The following ZNF623 variants were observed in gnomAD, a reference collection of about 807,000 sequenced individuals.
ZNF623 encodes zinc finger protein 623.
ZNF623 carries 16 observed loss-of-function variants against 24.0 expected under a neutral mutation model. The ratio of observed to expected loss-of-function variants is 0.67; its 90% CI spans 0.45 to 1.01. The LOEUF (loss-of-function observed/expected upper bound fraction) is 1.01, where lower values mean the gene tolerates loss of function less well. Ranked by LOEUF, ZNF623 falls within the 50% of genes least tolerant of loss-of-function variation. The pLI is 0.00. For missense variants in ZNF623, 566 were observed against 606.5 expected, an observed-to-expected ratio of 0.93 and a Z score of 0.70; for synonymous variants, 224 against 219.8, an observed-to-expected ratio of 1.02 and a Z score of -0.17.
rs534433436 is a variant in ZNF623 at position 143,653,118 on chromosome 8, G to A, written c.*1635G>A. On this transcript the variant is annotated 3_prime_UTR_variant, in exon 2 of 2. Transcript: ENST00000526926. ...CCAGGAGAGGAATCTGCAGAAACAT[G>A]GAGCCATGACAGATGGCTTTTTGGC... is the stretch of plus-strand genomic sequence containing the variant. 6.0e-6 allele frequency: 1 copy of A among 167,280 alleles called. No homozygotes were observed. Among genetic ancestry groups the A allele is most frequent in the East Asian group, 1.9e-4 (1 of 5,190 alleles). The allele number at this position is 167,280 out of a possible 1,614,324, so 10.4% of individuals were successfully genotyped here.
intron 1 of ZNF623, among the ~76,000 whole-genome samples, chr8:143,645,140 AAGAG>A (rs201809514): frequency 3.0e-4 from 41 of 135,366 alleles, no homozygotes; most frequent in Admixed American, 3.6e-4. Flanking sequence ...AAAAAAAAAA[AAGAG>A]AGAAAATACA....
Position 143,651,221 on chromosome 8 carries a change from A to G in ZNF623, c.1229A>G (p.Gln410Arg), listed in dbSNP as rs2131459823. 4.3e-6 allele frequency: 7 copies of G among 1,614,220 alleles called. No homozygotes were observed. Among genetic ancestry groups the G allele is most frequent in the Middle Eastern group, 1.6e-4 (1 of 6,062 alleles). The change falls in exon 2 of 2, where the codon CAG becomes CGG. Residue 410 changes from glutamine to arginine, a missense_variant. This residue lies in a region of ZNF623 where 136 missense variants were observed against 131.9 expected (regional missense o/e 1.03). Transcript: ENST00000526926. ...FIQSSKLLLHQIIHTGEKPYV... is the reference protein window; with the variant it reads ...FIQSSKLLLHRIIHTGEKPYV... ...CAGAGCTCCAAGCTGCTTCTGCACC[A>G]GATTATTCACACTGGAGAAAAGCCC...
Position 143,651,647 on chromosome 8 carries a change from TCTC to T in ZNF623, c.*168_*170del, listed in dbSNP as rs1815325972. 1.2e-5 allele frequency: 9 copies of T among 741,330 alleles called. No homozygotes were observed. The highest frequency in any genetic ancestry group is 4.0e-5 in the South Asian group (2 of 50,222). 45.9% of individuals were successfully genotyped at this position (741,330 alleles called of 1,614,324 possible). On this transcript the variant is annotated 3_prime_UTR_variant, in exon 2 of 2. Coordinates refer to ENST00000526926, the MANE Select transcript of ZNF623 (RefSeq NM_001261843.2). ...GTGCAGCCCTACTCGGCTCAGCCCT[TCTC>T]CTCAGCTGTGAGCACTGTCCTCAGG...
chr8:143,644,577 C>G (rs982197017), intron 1 of ZNF623, among the ~76,000 whole-genome samples: 10 of 152,020 alleles, frequency 6.6e-5, no homozygotes, highest in African/African-American at 1.2e-4. Flanking sequence ...AGTGCATAAG[C>G]AGAATATATA....
chr8:143,646,054 T>A lies in ZNF623; in HGVS notation c.-95-3844T>A, dbSNP rs890783047. 8.5e-5 allele frequency among the ~76,000 whole-genome samples: 13 copies of A among 152,208 alleles called. 1 individual carries two copies. Among genetic ancestry groups the A allele is most frequent in the South Asian group, 8.3e-4 (4 of 4,818 alleles). On this transcript the variant is annotated intron_variant, in intron 1 of 1. Transcript: ENST00000526926. ...ACTAGAAGTGTTGGAGCTTTTTTTT[T>A]AATTAGAGACAGGGTCTCACTCTGT...
intron 1 of ZNF623, among the ~76,000 whole-genome samples, chr8:143,647,995 G>T (rs1053864540): frequency 6.6e-6 from 1 of 152,182 alleles, no homozygotes; most frequent in South Asian, 2.1e-4. Flanking sequence ...AACTATAGAA[G>T]GAGGAAAATC....
intron 1 of ZNF623, chr8:143,636,347 G>C (rs1814921231): frequency 6.6e-6 from 1 of 152,288 alleles, no homozygotes; most frequent in Admixed American, 6.5e-5. Flanking sequence ...GCCCCCGCGA[G>C]GCTGCGGCGT....
intron 1 of ZNF623, among the ~76,000 whole-genome samples, chr8:143,649,023 A>G (rs948388744): frequency 2.0e-5 from 3 of 152,046 alleles, no homozygotes; most frequent in Non-Finnish European, 2.9e-5. Flanking sequence ...CACGTCTGTA[A>G]TCCCAGCAGT....
Position 143,638,998 on chromosome 8 carries a change from T to C in ZNF623, c.-96+2853T>C, listed in dbSNP as rs1028367161. Among the ~76,000 whole-genome samples, 10 of 149,518 alleles carry C rather than the reference T, an allele frequency of 6.7e-5. No individual in the cohort carries two copies. In the South Asian group the frequency reaches 2.2e-3, roughly 32 times the overall value. On this transcript the variant is annotated intron_variant, in intron 1 of 1. Transcript: ENST00000526926. ...CCCTCTGCCGCCCAGGTTCAAGAGA[T>C]TCTCCTGCCTCAGCCTCTCGAGAAG... is the stretch of plus-strand genomic sequence containing the variant.
intron 1 of ZNF623, 99 bp from the exon 2 acceptor site, chr8:143,649,799 A>G: frequency 6.8e-7 from 1 of 1,473,194 alleles, no homozygotes; most frequent in Non-Finnish European, 9.2e-7. Context: ...CAGAGGAAAC[A>G]CTTTCCACCT....
rs1587334872 is a variant in ZNF623 at position 143,650,848 on chromosome 8, A to G, written c.856A>G (p.Lys286Glu). 2 of 1,614,094 alleles carry G rather than the reference A, an allele frequency of 1.2e-6. No individual in the cohort carries two copies. The highest frequency in any genetic ancestry group is 1.3e-5 in the African/African-American group (1 of 74,934). ...ERPFECNECG[K>E]AFIRSSKLIQ... ...ACCCTTTGAATGCAATGAGTGTGGG[A>G]AAGCCTTTATTCGGAGTTCAAAGCT... Residue 286 changes from lysine to glutamate, a missense_variant, in exon 2 of 2, where the codon AAA becomes GAA. Physicochemically the swap from Lys to Glu is moderately conservative, Grantham distance 56. Coordinates refer to ENST00000526926, the MANE Select transcript of ZNF623 (RefSeq NM_001261843.2). The surrounding 1 kb of genome is among the most constrained non-coding windows in gnomAD (Gnocchi z 5.2).
intron 1 of ZNF623, among the ~76,000 whole-genome samples, chr8:143,637,907 C>T (rs1239183129): frequency 6.6e-6 from 1 of 152,116 alleles, no homozygotes; most frequent in Admixed American, 6.6e-5. Flanking sequence ...CCATGCTAGT[C>T]AGTTTGTTGT....
chr8:143,641,392 TCATCTC>T (rs1042568725), intron 1 of ZNF623, among the ~76,000 whole-genome samples: 7 of 152,096 alleles, frequency 4.6e-5, no homozygotes, highest in Non-Finnish European at 8.8e-5. Context: ...GTCTCCCTGT[TCATCTC>T]CATCAGAGCT....
chr8:143,638,562 CCCATCTGTACTAAAAA>C (rs1316422083), intron 1 of ZNF623, among the ~76,000 whole-genome samples: 2 of 150,800 alleles, frequency 1.3e-5, no homozygotes, highest in African/African-American at 4.9e-5. Context: ...AAAGTGAAAC[CCCATCTGTACTAAAAA>C]TGCAAAAAAA....
intron 1 of ZNF623, among the ~76,000 whole-genome samples, chr8:143,648,503 C>G (rs935769076): frequency 6.6e-6 from 1 of 151,918 alleles, no homozygotes; most frequent in African/African-American, 2.4e-5. Context: ...GGAGGAGAGT[C>G]ATGGGGTAGT....
At chr8:143,639,499 C>T (rs1026617568) in intron 1 of ZNF623, among the ~76,000 whole-genome samples, 4 of 152,224 alleles carry the variant, frequency 2.6e-5, no homozygotes, top group Admixed American at 2.0e-4. Context: ...GTTGGGATTA[C>T]AGGCGTGAGC....
At chr8:143,648,829 T>C (rs888007608) in intron 1 of ZNF623, among the ~76,000 whole-genome samples, 6 of 152,114 alleles carry the variant, frequency 3.9e-5, no homozygotes, top group Admixed American at 3.9e-4. Context: ...TGTTTTCTCA[T>C]TGAAACAAGA....
At position 143,650,452 on chromosome 8, in the gene ZNF623, C is replaced by G; in HGVS notation, c.460C>G (p.Leu154Val). Reference sequence around the variant, plus strand: ...GAAAGACTTCATTCACTATTCAGGTCTCATTGAGCATCAGCGCGTTCATTC... The same window carrying G: ...GAAAGACTTCATTCACTATTCAGGTGTCATTGAGCATCAGCGCGTTCATTC... The part of the protein sequence containing the change: ...CGKDFIHYSG[L>V]IEHQRVHSGE... The change falls in exon 2 of 2, where the codon CTC (leucine) becomes GTC (valine). Residue 154 changes from leucine (L) to valine (V), a missense_variant. Leu to Val is a conservative substitution (Grantham distance 32, BLOSUM62 1). Coordinates refer to ENST00000526926, the MANE Select transcript of ZNF623 (RefSeq NM_001261843.2). The surrounding 1 kb of genome is among the most constrained non-coding windows in gnomAD (Gnocchi z 5.2). The G allele has an allele frequency of 6.2e-7, 1 of 1,614,078 alleles. No homozygotes were observed. The highest frequency in any genetic ancestry group is 8.5e-7 in the Non-Finnish European group (1 of 1,180,014).
chr8:143,647,508 A>G (rs1815202788), intron 1 of ZNF623, among the ~76,000 whole-genome samples: 1 of 152,212 alleles, frequency 6.6e-6, no homozygotes. Context: ...TGATCAGGTG[A>G]CGTCAACACA....
Sources: gnomAD v4.1 joint callset for allele counts (sites outside exome capture counted in the v4.1 genomes callset) on GRCh38, gnomAD v4.1.1 for gene constraint, gnomAD v4.1.1 regional missense constraint, Gnocchi (gnomAD v3.1) non-coding constraint, MANE v1.5 for transcripts, NCBI Gene and HGNC (gene_info 2026-07-23, HGNC 2026-07-21) for gene names.